MCPH1: variants seen among roughly 807,000 people sequenced by gnomAD.
MCPH1 encodes microcephalin.
A neutral mutation model predicts 84.5 loss-of-function variants in MCPH1; 104 were observed. The observed-to-expected ratio is 1.23, with a 90% CI of 1.05 to 1.45. The LOEUF (loss-of-function observed/expected upper bound fraction) is 1.45, where lower values mean the gene tolerates loss of function less well. MCPH1 is among the 40% of genes most tolerant of loss of function. The pLI, the probability that MCPH1 is intolerant of heterozygous loss-of-function variation, is 0.00. For missense variants in MCPH1, 1,498 were observed against 1,005.7 expected (o/e 1.49, Z -6.62); for synonymous variants, 514 against 366.8 (o/e 1.40, Z -4.58).
Position 6,623,256 on chromosome 8 carries a change from G to C in MCPH1, c.2452+1565G>C, listed in dbSNP as rs139438984. Among the ~76,000 whole-genome samples the C allele has an allele frequency of 4.9e-3, 752 of 152,090 alleles. 5 individuals carry two copies. The highest frequency in any genetic ancestry group is 0.018 in the African/African-American group (732 of 41,486). ...GACATCGACATACGAATTTTGGGCAGACACAATTCAGCCCATAACAATGAA... is the reference window on the plus strand; with the variant it reads ...GACATCGACATACGAATTTTGGGCACACACAATTCAGCCCATAACAATGAA... On this transcript the variant is annotated intron_variant, in intron 13 of 13. Transcript: ENST00000344683.
chr8:6,513,118 C>A (rs979629967), intron 12 of MCPH1, among the ~76,000 whole-genome samples: 2 of 152,156 alleles, frequency 1.3e-5, no homozygotes, highest in East Asian at 3.8e-4. Flanking sequence ...ATCTACCAGG[C>A]AGAGTTCTTC....
chr8:6,560,673 G>GCTA (rs1159500943), intron 12 of MCPH1, among the ~76,000 whole-genome samples: 1 of 152,198 alleles, frequency 6.6e-6, no homozygotes, highest in East Asian at 1.9e-4. Context: ...ATACCATTGT[G>GCTA]CTACTGCTGT....
At chr8:6,540,426 T>C (rs1821331674) in intron 12 of MCPH1, among the ~76,000 whole-genome samples, 1 of 152,232 alleles carries the variant, frequency 6.6e-6, no homozygotes, top group Non-Finnish European at 1.5e-5. Context: ...GCATTTCATA[T>C]GCAAAAGGTG....
intron 12 of MCPH1, among the ~76,000 whole-genome samples, chr8:6,581,049 G>GT (rs1827529728): frequency 6.6e-6 from 1 of 152,152 alleles, no homozygotes; most frequent in African/African-American, 2.4e-5. Flanking sequence ...ACTATCATAA[G>GT]TAATCTAGGG....
chr8:6,518,414 C>T (rs915103843), intron 12 of MCPH1, among the ~76,000 whole-genome samples: 1 of 152,140 alleles, frequency 6.6e-6, no homozygotes, highest in South Asian at 2.1e-4. Flanking sequence ...CCCTTCCTTC[C>T]CTGTTGTATG....
chr8:6,626,544 G>A, intron 13 of MCPH1: 1 of 981,478 alleles, frequency 1.0e-6, no homozygotes, highest in Non-Finnish European at 1.2e-6. Flanking sequence ...AAAATAAACG[G>A]GAAAACAAAA....
intron 12 of MCPH1, among the ~76,000 whole-genome samples, chr8:6,511,086 A>G (rs913610318): frequency 1.3e-5 from 2 of 152,196 alleles, no homozygotes; most frequent in Admixed American, 6.5e-5. Flanking sequence ...TCCTTTGAAC[A>G]TGTTTAGTTC....
intron 12 of MCPH1, chr8:6,501,562 T>C (rs976881321): frequency 6.7e-6 from 1 of 149,332 alleles, no homozygotes; most frequent in African/African-American, 2.5e-5. Context: ...TCTTTTTTTT[T>C]TTTTTTTTTT....
intron 9 of MCPH1, among the ~76,000 whole-genome samples, chr8:6,469,152 C>T (rs1356244712): frequency 6.6e-6 from 1 of 152,132 alleles, no homozygotes; most frequent in Non-Finnish European, 1.5e-5. Flanking sequence ...TGCACTCCAG[C>T]CTGGGCAAGA....
intron 12 of MCPH1, among the ~76,000 whole-genome samples, chr8:6,610,208 G>T (rs1271156422): frequency 6.6e-6 from 1 of 152,140 alleles, no homozygotes. Context: ...AGATGTGTGG[G>T]GCTGGGTTGC....
chr8:6,427,366 A>G lies in MCPH1; in HGVS notation c.234-4133A>G, dbSNP rs916402289. Among the ~76,000 whole-genome samples, 4 of 152,100 alleles carry G rather than the reference A, an allele frequency of 2.6e-5. No homozygotes were observed. In the East Asian group the frequency reaches 5.8e-4, roughly 22 times the overall value. On this transcript the variant is annotated intron_variant, in intron 3 of 13. Coordinates refer to ENST00000344683, the MANE Select transcript of MCPH1 (RefSeq NM_024596.5). ...GTATATTTTTTGGAGCAACTGTATT[A>G]ACTGATACTATAACGTTTTTTTAAA...
At chr8:6,609,113 C>A (rs1489724759) in intron 12 of MCPH1, among the ~76,000 whole-genome samples, 4 of 152,256 alleles carry the variant, frequency 2.6e-5, no homozygotes, top group African/African-American at 9.6e-5. Context: ...TTCTATGCCA[C>A]CTATCAGACC....
chr8:6,449,502 A>T (rs1023647759), intron 8 of MCPH1, among the ~76,000 whole-genome samples: 2 of 152,132 alleles, frequency 1.3e-5, no homozygotes, highest in African/African-American at 4.8e-5. Flanking sequence ...GCGTGGTGGC[A>T]CATGCCTATA....
At chr8:6,629,234 C>T (rs888058219) in intron 13 of MCPH1, among the ~76,000 whole-genome samples, 12 of 152,234 alleles carry the variant, frequency 7.9e-5, no homozygotes, top group Admixed American at 2.0e-4. Flanking sequence ...AGGCCAGGGC[C>T]GGCAGATCAC....
Position 6,544,652 on chromosome 8 carries a change from A to G in MCPH1, c.2214+44723A>G, listed in dbSNP as rs1013351636. On this transcript the variant is annotated intron_variant, in intron 12 of 13. Transcript: ENST00000344683. ...TGGCCATGAAATGAAGCGCAAGCACATATTTTATTTCTATAGGATTCCTCA... is the reference window on the plus strand; with the variant it reads ...TGGCCATGAAATGAAGCGCAAGCACGTATTTTATTTCTATAGGATTCCTCA... 3.2e-4 allele frequency among the ~76,000 whole-genome samples: 48 copies of G among 152,346 alleles called. 1 individual carries two copies. The highest frequency in any genetic ancestry group is 1.1e-3 in the African/African-American group (47 of 41,580).
chr8:6,525,456 C>G (rs1818166849), intron 12 of MCPH1, among the ~76,000 whole-genome samples: 1 of 152,196 alleles, frequency 6.6e-6, no homozygotes, highest in Admixed American at 6.5e-5. Flanking sequence ...TCTCAAACTC[C>G]TGGCCTCAAG....
rs79061204 is a variant in MCPH1, at chr8:6,452,495, A to G, written c.1826-2648A>G. On this transcript the variant is annotated intron_variant, in intron 8 of 13. Transcript: ENST00000344683. The stretch of plus-strand genomic sequence containing the variant: ...AGGTTGGGAGGAAAATGAGAGGAAG[A>G]TATATGGCTTTCACAGGGAAATGCT... Among the ~76,000 whole-genome samples the G allele has an allele frequency of 6.6e-5, 10 of 152,352 alleles. No homozygotes were observed. In the East Asian group the frequency reaches 1.9e-3, roughly 29 times the overall value.
chr8:6,625,437 C>G, intron 13 of MCPH1: 1 of 985,402 alleles, frequency 1.0e-6, no homozygotes, highest in Non-Finnish European at 1.2e-6. Context: ...AAATGCTTCT[C>G]TGGACAATGT....
intron 9 of MCPH1, among the ~76,000 whole-genome samples, chr8:6,472,996 T>C (rs1356088115): frequency 6.6e-6 from 1 of 152,196 alleles, no homozygotes; most frequent in African/African-American, 2.4e-5. Flanking sequence ...ACACGATTTC[T>C]TGAATACTCA....
Sources: allele counts gnomAD v4.1 joint callset (sites outside exome capture counted in the v4.1 genomes callset), GRCh38; gene constraint gnomAD v4.1.1; transcripts MANE v1.5; gene names NCBI Gene and HGNC (gene_info 2026-07-23, HGNC 2026-07-21).